LRR1: variants seen among roughly 807,000 people sequenced by gnomAD.
The protein encoded by LRR1 is leucine rich repeat protein 1.
Under a neutral mutation model 31.6 loss-of-function variants are expected in LRR1, and 29 were observed. The observed-to-expected ratio is 0.92, with a 90% CI of 0.68 to 1.25. LRR1 has a LOEUF of 1.25. Ranked by LOEUF, LRR1 falls within the 50% of genes most tolerant of loss-of-function variation. The pLI, the probability that LRR1 is intolerant of heterozygous loss-of-function variation, is 0.00. For synonymous variants in LRR1, 179 were observed against 181.4 expected, an observed-to-expected ratio of 0.99 and a Z score of 0.10; for missense variants, 485 against 487.2, an observed-to-expected ratio of 1.00 and a Z score of 0.04.
At chr14:49,600,448 CAA>C (rs2139531073) in intron 1 of LRR1, 2 of 1,595,226 alleles carry the variant, frequency 1.3e-6, no homozygotes, top group Non-Finnish European at 1.7e-6. Context: ...CAGAAACTAG[CAA>C]AAGAGATAGG....
At chr14:49,603,407 A>T in intron 2 of LRR1, 1 of 177,796 alleles carries the variant, frequency 5.6e-6, no homozygotes, top group Non-Finnish European at 1.2e-5. Context: ...GCACAGGTCT[A>T]CATTTTGCCA....
chr14:49,606,649 ATTTT>A (rs58159657), intron 2 of LRR1, among the ~76,000 whole-genome samples: 1 of 145,128 alleles, frequency 6.9e-6, no homozygotes, highest in African/African-American at 2.6e-5. Context: ...TTAAACTCAA[ATTTT>A]TTTTTTTTTT....
intron 2 of LRR1, among the ~76,000 whole-genome samples, chr14:49,605,358 C>T (rs1882240667): frequency 6.6e-6 from 1 of 152,068 alleles, no homozygotes; most frequent in South Asian, 2.1e-4. Context: ...TTCTTCCTTT[C>T]TATCTAAAAA....
rs762881893 is a variant in LRR1 at position 49,599,171 on chromosome 14, A to G, written c.151A>G (p.Thr51Ala). 8.7e-6 allele frequency: 14 copies of G among 1,607,734 alleles called. No individual in the cohort carries two copies. The highest frequency in any genetic ancestry group is 1.7e-5 in the Admixed American group (1 of 58,916). ...GGTCCGAGCCTTCCTGCTCATCTCC[A>G]CCCTGAAGGACAAGCGCGGGACCCG... ...PPVRAFLLIS[T>A]LKDKRGTRYE... Residue 51 changes from threonine to alanine, a missense_variant, in exon 1 of 4, where the codon ACC becomes GCC. Physicochemically the swap from Thr to Ala is moderately conservative, Grantham distance 58. Coordinates refer to ENST00000298288, the MANE Select transcript of LRR1 (RefSeq NM_152329.4).
chr14:49,607,372 T>C lies in LRR1; in HGVS notation c.283-28T>C, dbSNP rs757881527. On this transcript the variant is annotated intron_variant, in intron 2 of 3. Coordinates refer to ENST00000298288, the MANE Select transcript of LRR1 (RefSeq NM_152329.4). ...TGTATGTATTATCTCCAGTGGAATT[T>C]ATAATTCTACAACTTTTATTTATTC... is the stretch of plus-strand genomic sequence containing the variant. The C allele has an allele frequency of 5.9e-6, 9 of 1,519,902 alleles. No individual in the cohort carries two copies. In the East Asian group the frequency reaches 2.0e-4, roughly 34 times the overall value. 94.2% of individuals were successfully genotyped at this position (1,519,902 alleles called of 1,614,324 possible). A position where few individuals can be genotyped will look rare whatever the true frequency, so the allele number is the denominator to read the frequency against.
intron 1 of LRR1, chr14:49,601,732 T>A: frequency 1.6e-6 from 2 of 1,261,016 alleles, no homozygotes; most frequent in Non-Finnish European, 2.1e-6. Context: ...AACATGGTGA[T>A]CCTGTTCTCA....
chr14:49,604,765 C>T (rs1299570564), intron 2 of LRR1, among the ~76,000 whole-genome samples: 1 of 152,162 alleles, frequency 6.6e-6, no homozygotes, highest in African/African-American at 2.4e-5. Context: ...GAGCAAGACC[C>T]TTTCTCAAAC....
chr14:49,612,487 A>G (rs536972590), intron 3 of LRR1: 97 of 1,262,876 alleles, frequency 7.7e-5, no homozygotes, highest in Middle Eastern at 4.4e-4. Context: ...TCTATCCGAA[A>G]GAGATTAATG....
At chr14:49,610,745 G>A (rs569533049) in intron 3 of LRR1, among the ~76,000 whole-genome samples, 1 of 140,454 alleles carries the variant, frequency 7.1e-6, no homozygotes, top group Non-Finnish European at 1.6e-5. Context: ...TGTATTTTTA[G>A]TAGAGACAGG....
rs967790187 is a variant in LRR1, at chr14:49,601,100, G to C, written c.184-1270G>C. 8 of 1,611,184 alleles carry C rather than the reference G, an allele frequency of 5.0e-6. No individual in the cohort carries two copies. In the African/African-American group the frequency reaches 1.1e-4, roughly 22 times the overall value. ...GCCACGTAGCCAAAGGTCGCTCCAA[G>C]CGTACAGGAGATGGGCCATACCTGA... is the stretch of plus-strand genomic sequence containing the variant. On this transcript the variant is annotated intron_variant, in intron 1 of 3. Transcript: ENST00000298288.
At chr14:49,607,257 A>T in intron 2 of LRR1, 143 bp from the exon 3 acceptor site, 1 of 862,680 alleles carries the variant, frequency 1.2e-6, no homozygotes, top group Non-Finnish European at 1.7e-6. Flanking sequence ...AAAATAAAGT[A>T]CTAAAAAAAA....
At chr14:49,612,768 A>G in intron 3 of LRR1, 1 of 488,872 alleles carries the variant, frequency 2.0e-6, no homozygotes, top group Non-Finnish European at 2.8e-6. Context: ...CCTAAGCTAG[A>G]GACTAGAGAA....
chr14:49,602,448 G>A lies in LRR1; in HGVS notation c.262G>A (p.Val88Met). Residue 88 changes from valine (V) to methionine (M), a missense_variant, in exon 2 of 4, where the codon GTG (valine) becomes ATG (methionine). Physicochemically the swap from Val to Met is conservative, Grantham distance 21. Transcript: ENST00000298288. ...KATVRLKEPP[V>M]DICLSKAISS... Reference sequence around the variant, plus strand: ...CACTGTTCGGTTAAAGGAGCCTCCTGTGGATATCTGTCTAAGTAAGGTATG... The same window carrying A: ...CACTGTTCGGTTAAAGGAGCCTCCTATGGATATCTGTCTAAGTAAGGTATG... 1 of 1,613,294 alleles carries A rather than the reference G, an allele frequency of 6.2e-7. No homozygotes were observed. Among genetic ancestry groups the A allele is most frequent in the Non-Finnish European group, 8.5e-7 (1 of 1,179,428 alleles).
intron 1 of LRR1, chr14:49,601,771 T>G: frequency 2.5e-6 from 2 of 801,768 alleles, no homozygotes; most frequent in South Asian, 2.9e-5. Flanking sequence ...GACAGAGCAG[T>G]AACATCCACC....
At chr14:49,613,866 G>C (rs1049589403) in intron 3 of LRR1, among the ~76,000 whole-genome samples, 8 of 152,192 alleles carry the variant, frequency 5.3e-5, no homozygotes, top group African/African-American at 1.9e-4. Flanking sequence ...TTTTAAGTGT[G>C]AGAGTGAAAT....
In LRR1 at chr14:49,607,711, C is replaced by A. The variant is rs752674099; in HGVS notation, c.594C>A (p.Asp198Glu). Reference protein sequence around the residue: ...HIKKLPATIGDLIHLQELNLN... With the variant: ...HIKKLPATIGELIHLQELNLN... The stretch of plus-strand genomic sequence containing the variant: ...AAAAGCTTCCAGCTACAATTGGAGA[C>A]CTCATACACCTTCAAGAACTTAACC... Residue 198 changes from aspartate to glutamate, a missense_variant, in exon 3 of 4, where the codon GAC becomes GAA. Physicochemically the swap from Asp to Glu is conservative, Grantham distance 45. Around this residue, in one of 3 missense-constraint regions of LRR1, gnomAD observed 260 missense variants for 249.6 expected, o/e 1.04. Coordinates refer to ENST00000298288, the MANE Select transcript of LRR1 (RefSeq NM_152329.4). The A allele has an allele frequency of 1.2e-6, 2 of 1,612,530 alleles. No individual in the cohort carries two copies. The highest frequency in any genetic ancestry group is 1.1e-5 in the South Asian group (1 of 90,974).
At chr14:49,614,220 C>A in intron 3 of LRR1, 36 bp from the exon 4 acceptor site, 1 of 1,581,298 alleles carries the variant, frequency 6.3e-7, no homozygotes, top group East Asian at 2.2e-5. Context: ...AATCTAGTAA[C>A]ATGTTATAAA....
chr14:49,611,056 A>G (rs115270852), intron 3 of LRR1, among the ~76,000 whole-genome samples: 2,332 of 152,336 alleles, frequency 0.015, 55 homozygotes, highest in African/African-American at 0.054. Flanking sequence ...TTTGCATAAA[A>G]GGAACCTGGC....
chr14:49,609,493 T>A (rs1882432058), intron 3 of LRR1, among the ~76,000 whole-genome samples: 2 of 150,228 alleles, frequency 1.3e-5, no homozygotes, highest in African/African-American at 4.9e-5. Context: ...CAACCTCTGC[T>A]TCCCGAGTTC....
Sources: gnomAD v4.1 joint callset for allele counts (sites outside exome capture counted in the v4.1 genomes callset) on GRCh38, gnomAD v4.1.1 for gene constraint, gnomAD v4.1.1 regional missense constraint, MANE v1.5 for transcripts, NCBI Gene and HGNC (gene_info 2026-07-23, HGNC 2026-07-21) for gene names.